The following TANC1 variants were observed in gnomAD, a reference collection of about 807,000 sequenced individuals.
TANC1 encodes protein TANC1.
A neutral mutation model predicts 149.7 loss-of-function variants in TANC1; 77 were observed. That is an observed-to-expected ratio of 0.51 (90% CI 0.43 to 0.62). TANC1 has a LOEUF of 0.62. Among genes scored for constraint, TANC1 ranks in the 20% least tolerant of loss-of-function variants. The probability of loss-of-function intolerance (pLI) is 0.00; values close to 1 mark genes in which losing one functional copy is unlikely to be tolerated. For missense variants in TANC1, 1,985 were observed against 2,321.8 expected (o/e 0.85, Z 2.98); for synonymous variants, 854 against 925.0 (o/e 0.92, Z 1.39).
chr2:159,064,832 T>G (rs1160217821), intron 2 of TANC1, among the ~76,000 whole-genome samples: 2 of 152,110 alleles, frequency 1.3e-5, no homozygotes, highest in Non-Finnish European at 2.9e-5. Flanking sequence ...TTTGAGGCAT[T>G]TGTGCTAACT....
At chr2:159,060,746 A>G (rs2042175037) in intron 2 of TANC1, among the ~76,000 whole-genome samples, 1 of 152,210 alleles carries the variant, frequency 6.6e-6, no homozygotes, top group Admixed American at 6.5e-5. Context: ...GTAAATAGGC[A>G]GTATGGCACT....
chr2:158,976,342 G>C (rs547174550), intron 1 of TANC1, among the ~76,000 whole-genome samples: 14 of 152,260 alleles, frequency 9.2e-5, no homozygotes, highest in African/African-American at 3.4e-4. Context: ...TTTACAACCT[G>C]GTGGAATTGA....
At chr2:159,101,920 T>G (rs920295521) in intron 4 of TANC1, among the ~76,000 whole-genome samples, 14 of 152,206 alleles carry the variant, frequency 9.2e-5, no homozygotes, top group African/African-American at 3.4e-4. Context: ...ATGGAGACAC[T>G]GGAGAGTGCC....
intron 2 of TANC1, among the ~76,000 whole-genome samples, chr2:159,019,862 C>G (rs1451433864): frequency 1.3e-5 from 2 of 151,086 alleles, no homozygotes; most frequent in Non-Finnish European, 3.0e-5. Context: ...CTTCAGCCTC[C>G]CGAAGTGTTG....
intron 10 of TANC1, among the ~76,000 whole-genome samples, chr2:159,171,029 C>A (rs2055142433): frequency 6.6e-6 from 1 of 152,070 alleles, no homozygotes; most frequent in South Asian, 2.1e-4. Context: ...TCCTCCTGAA[C>A]TGTAACCCCC....
intron 5 of TANC1, among the ~76,000 whole-genome samples, chr2:159,146,975 T>G (rs2052192843): frequency 6.6e-6 from 1 of 151,950 alleles, no homozygotes; most frequent in Admixed American, 6.6e-5. Context: ...GGAGTATCTG[T>G]TTGCAGACAC....
intron 19 of TANC1, among the ~76,000 whole-genome samples, chr2:159,208,682 C>T (rs1268887057): frequency 1.3e-5 from 2 of 152,250 alleles, no homozygotes; most frequent in Non-Finnish European, 2.9e-5. Flanking sequence ...CAGGCTGCTT[C>T]TGCAGGCCCC....
At chr2:159,216,145 C>G (rs1331410760) in intron 19 of TANC1, among the ~76,000 whole-genome samples, 3 of 152,134 alleles carry the variant, frequency 2.0e-5, no homozygotes, top group Non-Finnish European at 4.4e-5. Context: ...GCATCCATCT[C>G]TCGTTAATGA....
intron 16 of TANC1, among the ~76,000 whole-genome samples, chr2:159,188,032 G>A (rs946996650): frequency 2.0e-5 from 3 of 152,102 alleles, no homozygotes; most frequent in Non-Finnish European, 2.9e-5. Flanking sequence ...ACGTATGTGC[G>A]ATTTTAAGAG....
chr2:159,019,661 T>G (rs1409385407), intron 2 of TANC1, among the ~76,000 whole-genome samples: 1 of 39,524 alleles, frequency 2.5e-5, no homozygotes, highest in Non-Finnish European at 5.0e-5. Context: ...CTGTTTTTTT[T>G]TTTTTTTTTT....
chr2:159,117,098 T>G lies in TANC1; in HGVS notation c.260-19096T>G, dbSNP rs74928659. On this transcript the variant is annotated intron_variant, in intron 4 of 26. Coordinates refer to ENST00000263635, the MANE Select transcript of TANC1 (RefSeq NM_033394.3). ...CTTCAGTGAAGCAGTGTTTGCTGCT[T>G]TACCCTCCTCTATGCTGAGGGTGAA... Among the ~76,000 whole-genome samples the G allele has an allele frequency of 9.6e-3, 1,462 of 152,278 alleles. 18 individuals carry two copies. Among genetic ancestry groups the G allele is most frequent in the African/African-American group, 0.033 (1,379 of 41,548 alleles).
chr2:158,970,055 A>C (rs1195562142), intron 1 of TANC1, among the ~76,000 whole-genome samples: 3 of 151,214 alleles, frequency 2.0e-5, no homozygotes, highest in Non-Finnish European at 3.0e-5. Flanking sequence ...TTCCTGGTTC[A>C]GAATCTTTGA....
At chr2:159,179,393 A>T (rs796108829) in intron 14 of TANC1, among the ~76,000 whole-genome samples, 14 of 152,114 alleles carry the variant, frequency 9.2e-5, no homozygotes, top group African/African-American at 2.9e-4. Flanking sequence ...TGGATGGTAC[A>T]TGTGGATAAA....
chr2:159,201,663 A>G (rs1269525054), intron 19 of TANC1, among the ~76,000 whole-genome samples: 3 of 152,222 alleles, frequency 2.0e-5, no homozygotes, highest in Non-Finnish European at 4.4e-5. Flanking sequence ...TAGCCACAGC[A>G]CAAGGATAGG....
intron 3 of TANC1, among the ~76,000 whole-genome samples, chr2:159,087,855 A>G (rs2045099471): frequency 6.7e-6 from 1 of 149,104 alleles, no homozygotes; most frequent in Non-Finnish European, 1.5e-5. Flanking sequence ...ACGCTAGGTT[A>G]GGGTGGGTCC....
At chr2:159,018,420 C>G (rs2038486957) in intron 2 of TANC1, among the ~76,000 whole-genome samples, 1 of 152,134 alleles carries the variant, frequency 6.6e-6, no homozygotes, top group African/African-American at 2.4e-5. Flanking sequence ...CAGTATAATT[C>G]TAGCAAACAG....
intron 2 of TANC1, among the ~76,000 whole-genome samples, chr2:159,029,920 C>T (rs1469510233): frequency 1.3e-5 from 2 of 152,162 alleles, no homozygotes; most frequent in African/African-American, 4.8e-5. Flanking sequence ...AACTCCTGTT[C>T]TCAAGCAGTC....
At chr2:159,051,459 A>G (rs1428982398) in intron 2 of TANC1, among the ~76,000 whole-genome samples, 1 of 152,186 alleles carries the variant, frequency 6.6e-6, no homozygotes, top group African/African-American at 2.4e-5. Context: ...CAGAGTTACT[A>G]AGAGCTTTAA....
intron 4 of TANC1, among the ~76,000 whole-genome samples, chr2:159,127,676 A>G (rs2049602764): frequency 6.6e-6 from 1 of 152,248 alleles, no homozygotes; most frequent in African/African-American, 2.4e-5. Flanking sequence ...TAATGAGAAC[A>G]CATGGAGAAG....
Sources: allele counts gnomAD v4.1 joint callset (sites outside exome capture counted in the v4.1 genomes callset), GRCh38; gene constraint gnomAD v4.1.1; transcripts MANE v1.5; gene names NCBI Gene and HGNC (gene_info 2026-07-23, HGNC 2026-07-21).